Variants in FBXO28 observed in about 807,000 individuals in gnomAD.
The protein encoded by FBXO28 is F-box protein 28, also known as F-box only protein 28.
Under a neutral mutation model 38.1 loss-of-function variants are expected in FBXO28, and 8 were observed. The observed-to-expected ratio is 0.21, with a 90% confidence interval of 0.12 to 0.38. The LOEUF is 0.38. Among genes scored for constraint, FBXO28 ranks in the 10% least tolerant of loss-of-function variants. FBXO28 has a pLI of 1.00. For missense variants in FBXO28, 345 were observed against 460.6 expected (o/e 0.75, Z 2.30); for synonymous variants, 168 against 173.8 (o/e 0.97, Z 0.26).
intron 3 of FBXO28, among the ~76,000 whole-genome samples, chr1:224,136,776 G>T (rs187859805): frequency 6.7e-4 from 101 of 151,316 alleles, no homozygotes; most frequent in Non-Finnish European, 1.1e-3. Flanking sequence ...TTTTGAGATG[G>T]GGTCTCGTTC....
Position 224,152,186 on chromosome 1 carries a change from C to T in FBXO28, c.517-956C>T, listed in dbSNP as rs117973480. On this transcript the variant is annotated intron_variant, in intron 3 of 4. Coordinates refer to ENST00000366862, the MANE Select transcript of FBXO28 (RefSeq NM_015176.4). ...TTCCAGCAAGAGAGTTAGGTGTTCT[C>T]CCCATTACAATTATCATTAAAACAA... 2.4e-3 allele frequency among the ~76,000 whole-genome samples: 358 copies of T among 152,028 alleles called. 3 individuals are homozygous for T. The East Asian group carries it at 0.028, about 12-fold the overall frequency.
chr1:224,146,545 G>A (rs892222840), intron 3 of FBXO28, among the ~76,000 whole-genome samples: 5 of 152,098 alleles, frequency 3.3e-5, no homozygotes, highest in African/African-American at 1.2e-4. Context: ...TACTTCTACT[G>A]TGTGTTAGAA....
At position 224,116,990 on chromosome 1, in the gene FBXO28, A is replaced by G. The variant is rs1007074837; in HGVS notation, c.267+2594A>G. Among the ~76,000 whole-genome samples the G allele has an allele frequency of 3.9e-5, 6 of 152,112 alleles. No individual in the cohort carries two copies. The East Asian group carries it at 7.8e-4, about 20-fold the overall frequency. On this transcript the variant is annotated intron_variant, in intron 1 of 4. Coordinates refer to ENST00000366862, the MANE Select transcript of FBXO28 (RefSeq NM_015176.4). ...AGGAGTTCAAGACCAGCTGGCCAAC[A>G]TGGTGAAACCCCATCTTTATAAAAA...
At chr1:224,144,172 T>C (rs1040312444) in intron 3 of FBXO28, among the ~76,000 whole-genome samples, 1 of 131,558 alleles carries the variant, frequency 7.6e-6, no homozygotes, top group Non-Finnish European at 1.6e-5. Context: ...AAAAAAGGAA[T>C]GAATGAATGG....
chr1:224,144,916 A>G (rs191896135), intron 3 of FBXO28, among the ~76,000 whole-genome samples: 2 of 152,212 alleles, frequency 1.3e-5, no homozygotes, highest in East Asian at 3.9e-4. Context: ...AAAATTGGAT[A>G]CATTATCTTG....
intron 3 of FBXO28, among the ~76,000 whole-genome samples, chr1:224,135,687 A>G (rs11580910): frequency 1.1e-3 from 173 of 151,908 alleles, no homozygotes; most frequent in Non-Finnish European, 2.0e-3. Context: ...GAAGTCACCA[A>G]TTTCTGTGCT....
chr1:224,126,987 C>T (rs1656918119), intron 1 of FBXO28, among the ~76,000 whole-genome samples: 1 of 151,786 alleles, frequency 6.6e-6, no homozygotes, highest in Non-Finnish European at 1.5e-5. Flanking sequence ...CTGTTGCCCT[C>T]ATTCCTTTCT....
intron 3 of FBXO28, among the ~76,000 whole-genome samples, chr1:224,148,686 G>GA (rs987335741): frequency 4.6e-5 from 7 of 151,272 alleles, no homozygotes; most frequent in Non-Finnish European, 1.0e-4. Context: ...AAAAAGAAAA[G>GA]AAACACCCTA....
intron 3 of FBXO28, among the ~76,000 whole-genome samples, chr1:224,149,749 G>A (rs1657596994): frequency 6.6e-6 from 1 of 152,192 alleles, no homozygotes; most frequent in Non-Finnish European, 1.5e-5. Context: ...ATTGTAATGT[G>A]TGTTCTGAAG....
chr1:224,127,442 A>G (rs937775005), intron 1 of FBXO28, among the ~76,000 whole-genome samples: 1 of 152,170 alleles, frequency 6.6e-6, no homozygotes, highest in Non-Finnish European at 1.5e-5. Flanking sequence ...CCTTGCAGAA[A>G]TGTAAAATAA....
Position 224,160,574 on chromosome 1 carries a change from T to G in FBXO28, c.*2828T>G, listed in dbSNP as rs1372950809. On this transcript the variant is annotated 3_prime_UTR_variant, in exon 5 of 5. Coordinates refer to ENST00000366862, the MANE Select transcript of FBXO28 (RefSeq NM_015176.4). ...TGGCTTAACTGGTTTTCACAGATTC[T>G]GAGGTTATAGAACCTGTTGTTTTTC... The G allele has an allele frequency of 6.6e-6, 1 of 152,216 alleles. No individual in the cohort carries two copies. Among genetic ancestry groups the G allele is most frequent in the Non-Finnish European group, 1.5e-5 (1 of 68,032 alleles). 9.4% of individuals were successfully genotyped at this position (152,216 alleles called of 1,614,324 possible). A position where few individuals can be genotyped will look rare whatever the true frequency, so the allele number is the denominator to read the frequency against.
At chr1:224,152,286 G>C (rs950256406) in intron 3 of FBXO28, among the ~76,000 whole-genome samples, 4 of 152,084 alleles carry the variant, frequency 2.6e-5, no homozygotes, top group African/African-American at 9.7e-5. Context: ...ACAAGTCTCA[G>C]AGAAACAAAA....
intron 3 of FBXO28, among the ~76,000 whole-genome samples, chr1:224,136,950 C>G (rs897470794): frequency 6.6e-6 from 1 of 151,162 alleles, no homozygotes; most frequent in Non-Finnish European, 1.5e-5. Flanking sequence ...CGAGGTTTCA[C>G]CATGTTGGCC....
At chr1:224,136,572 A>G (rs1657192190) in intron 3 of FBXO28, among the ~76,000 whole-genome samples, 1 of 150,232 alleles carries the variant, frequency 6.7e-6, no homozygotes, top group Admixed American at 6.6e-5. Context: ...AAATACAAAA[A>G]AAAAAACTAG....
At chr1:224,131,556 G>T (rs1657049407) in intron 2 of FBXO28, among the ~76,000 whole-genome samples, 1 of 152,154 alleles carries the variant, frequency 6.6e-6, no homozygotes, top group African/African-American at 2.4e-5. Flanking sequence ...AGGATGTCAA[G>T]ATAATTCAAT....
intron 4 of FBXO28, among the ~76,000 whole-genome samples, chr1:224,153,983 AG>A (rs1181805518): frequency 6.6e-6 from 1 of 151,984 alleles, no homozygotes; most frequent in Non-Finnish European, 1.5e-5. Flanking sequence ...CTGTGGTCCC[AG>A]CACTTTGGGA....
At position 224,130,593 on chromosome 1, in the gene FBXO28, G is replaced by A. The variant is rs1657013820; in HGVS notation, c.377+12G>A. 1 of 1,550,444 alleles carries A rather than the reference G, an allele frequency of 6.4e-7. No individual in the cohort carries two copies. The highest frequency in any genetic ancestry group is 8.9e-7 in the Non-Finnish European group (1 of 1,122,950). On this transcript the variant is annotated intron_variant, in intron 2 of 4. Transcript: ENST00000366862. The stretch of plus-strand genomic sequence containing the variant: ...GCACAACTCCCAAGGTATGTTGTGG[G>A]TGGCAATGACAATGATGTACAGTTG...
chr1:224,145,862 G>A (rs976709940), intron 3 of FBXO28, among the ~76,000 whole-genome samples: 2 of 152,166 alleles, frequency 1.3e-5, no homozygotes, highest in Admixed American at 1.3e-4. Flanking sequence ...GAGGTCGGGA[G>A]TTTGAGACCA....
At position 224,114,232 on chromosome 1, in the gene FBXO28, C is replaced by A; in HGVS notation, c.103C>A (p.Pro35Thr). 6.4e-7 allele frequency: 1 copy of A among 1,551,308 alleles called. No homozygotes were observed. The highest frequency in any genetic ancestry group is 1.4e-5 in the African/African-American group (1 of 73,298). The change falls in exon 1 of 5, where the codon CCG (proline) becomes ACG (threonine). Residue 35 changes from proline to threonine, a missense_variant. Coordinates refer to ENST00000366862, the MANE Select transcript of FBXO28 (RefSeq NM_015176.4). ...ASGSTQRQPP[P>T]PAPQHPQPGS... ...CGGCTCTACCCAGCGACAGCCTCCA[C>A]CGCCCGCGCCACAGCACCCGCAGCC... is the stretch of plus-strand genomic sequence containing the variant.
Sources: gnomAD v4.1 joint callset for allele counts (sites outside exome capture counted in the v4.1 genomes callset) on GRCh38, gnomAD v4.1.1 for gene constraint, MANE v1.5 for transcripts, NCBI Gene and HGNC (gene_info 2026-07-23, HGNC 2026-07-21) for gene names.